The following DCC variants were observed in gnomAD, a reference collection of about 807,000 sequenced individuals.
DCC encodes the protein netrin receptor DCC.
Under a neutral mutation model 172.5 loss-of-function variants are expected in DCC, and 58 were observed. The observed-to-expected ratio is 0.34, with a 90% CI of 0.27 to 0.42. DCC has a LOEUF of 0.42. Ranked by LOEUF, DCC falls within the 10% of genes least tolerant of loss-of-function variation. The pLI, the probability that DCC is intolerant of heterozygous loss-of-function variation, is 1.00. For missense variants in DCC, 1,740 were observed against 1,791.0 expected (o/e 0.97, Z 0.51); for synonymous variants, 709 against 644.5 (o/e 1.10, Z -1.52).
intron 1 of DCC, among the ~76,000 whole-genome samples, chr18:52,590,275 G>A (rs1598937245): frequency 1.3e-5 from 2 of 152,036 alleles, no homozygotes; most frequent in South Asian, 4.2e-4. Context: ...GAGATCTAAG[G>A]ACATCCAATG....
chr18:52,559,106 T>A (rs1394378906), intron 1 of DCC, among the ~76,000 whole-genome samples: 2 of 129,400 alleles, frequency 1.5e-5, no homozygotes, highest in Non-Finnish European at 3.6e-5. Context: ...GGTTTTTTTG[T>A]TTTGTTTTGT....
intron 18 of DCC, among the ~76,000 whole-genome samples, chr18:53,401,646 A>C (rs936807275): frequency 1.8e-5 from 2 of 110,356 alleles, no homozygotes; most frequent in African/African-American, 5.6e-5. Flanking sequence ...CCTACACAGA[A>C]TTTTTATGTG....
chr18:53,062,397 G>A (rs554773744), intron 5 of DCC, among the ~76,000 whole-genome samples: 4 of 152,052 alleles, frequency 2.6e-5, no homozygotes, highest in Non-Finnish European at 5.9e-5. Context: ...TTTGGTAATG[G>A]CTACTAAAAA....
At chr18:52,898,965 C>T (rs868498998) in intron 2 of DCC, among the ~76,000 whole-genome samples, 5 of 152,098 alleles carry the variant, frequency 3.3e-5, no homozygotes, top group South Asian at 2.1e-4. Context: ...CCATTCAAAA[C>T]GTCTACTGAT....
intron 2 of DCC, among the ~76,000 whole-genome samples, chr18:52,774,967 AAGAG>A (rs1299943664): frequency 5.9e-5 from 9 of 152,192 alleles, no homozygotes; most frequent in African/African-American, 1.7e-4. Context: ...TGTGAGAGAA[AAGAG>A]AGAAAGTCTG....
At chr18:52,904,171 A>G (rs1436978562) in intron 2 of DCC, among the ~76,000 whole-genome samples, 1 of 152,208 alleles carries the variant, frequency 6.6e-6, no homozygotes, top group Non-Finnish European at 1.5e-5. Context: ...GGATAAATTA[A>G]TATTTGCATC....
chr18:53,521,404 A>G (rs1008929255), intron 27 of DCC, among the ~76,000 whole-genome samples: 1 of 152,082 alleles, frequency 6.6e-6, no homozygotes, highest in Non-Finnish European at 1.5e-5. Flanking sequence ...AATACACCTA[A>G]GTGTTTGGAA....
At chr18:52,588,683 G>T (rs1453415702) in intron 1 of DCC, among the ~76,000 whole-genome samples, 2 of 152,080 alleles carry the variant, frequency 1.3e-5, no homozygotes, top group Non-Finnish European at 1.5e-5. Flanking sequence ...TTTTGGGGGA[G>T]AAAAGATGCC....
intron 21 of DCC, among the ~76,000 whole-genome samples, chr18:53,433,369 A>G (rs1001413283): frequency 1.3e-5 from 2 of 152,216 alleles, no homozygotes; most frequent in African/African-American, 4.8e-5. Context: ...ACTTCATTAA[A>G]AAGACATTTG....
chr18:52,913,235 A>G (rs1679819437), intron 3 of DCC, among the ~76,000 whole-genome samples: 1 of 152,112 alleles, frequency 6.6e-6, no homozygotes, highest in African/African-American at 2.4e-5. Flanking sequence ...CCAGTCTTTC[A>G]CATGGAGCTG....
chr18:52,499,395 C>G (rs1345215867), intron 1 of DCC, among the ~76,000 whole-genome samples: 2 of 152,104 alleles, frequency 1.3e-5, no homozygotes, highest in Non-Finnish European at 2.9e-5. Flanking sequence ...ATGAAAATTA[C>G]CTATTAGCGG....
At chr18:53,480,725 A>G (rs1306207285) in intron 25 of DCC, 1 of 152,278 alleles carries the variant, frequency 6.6e-6, no homozygotes, top group Non-Finnish European at 1.5e-5. Context: ...ACATCATAAA[A>G]TCGGTACTCC....
At chr18:53,280,692 G>A (rs1437979912) in intron 12 of DCC, among the ~76,000 whole-genome samples, 1 of 151,976 alleles carries the variant, frequency 6.6e-6, no homozygotes, top group African/African-American at 2.4e-5. Flanking sequence ...ACTGGAAAAT[G>A]GAGCAGCCTG....
chr18:53,164,692 C>G (rs2054890344), intron 8 of DCC, among the ~76,000 whole-genome samples: 2 of 152,162 alleles, frequency 1.3e-5, no homozygotes, highest in Admixed American at 1.3e-4. Flanking sequence ...AACACTTGCT[C>G]TTTGGTGCAC....
chr18:53,288,601 G>A (rs553627536), intron 12 of DCC, among the ~76,000 whole-genome samples: 1 of 152,162 alleles, frequency 6.6e-6, no homozygotes, highest in South Asian at 2.1e-4. Flanking sequence ...CAGCCCTAAT[G>A]CAATCAGTAA....
chr18:53,233,501 C>G (rs577992548), intron 12 of DCC, among the ~76,000 whole-genome samples: 2 of 152,172 alleles, frequency 1.3e-5, no homozygotes, highest in South Asian at 4.1e-4. Context: ...TTCCAGGTTT[C>G]CTTTTCATCT....
intron 7 of DCC, among the ~76,000 whole-genome samples, chr18:53,156,502 A>AT (rs1369255793): frequency 5.3e-5 from 8 of 151,434 alleles, no homozygotes; most frequent in Non-Finnish European, 8.8e-5. Flanking sequence ...AAAAAAAAAA[A>AT]GAATCAACTT....
At chr18:52,589,446 G>A (rs112247335) in intron 1 of DCC, among the ~76,000 whole-genome samples, 1 of 152,102 alleles carries the variant, frequency 6.6e-6, no homozygotes, top group Admixed American at 6.5e-5. Context: ...TTCCCTGAAG[G>A]CTTTGGATAT....
chr18:52,911,730 ATT>A (rs75361413), intron 3 of DCC, among the ~76,000 whole-genome samples: 21 of 149,594 alleles, frequency 1.4e-4, no homozygotes, highest in African/African-American at 3.9e-4. Flanking sequence ...CATATTTAAC[ATT>A]TTTTTTTTTG....
Sources: gnomAD v4.1 joint callset for allele counts (sites outside exome capture counted in the v4.1 genomes callset) on GRCh38, gnomAD v4.1.1 for gene constraint, MANE v1.5 for transcripts, NCBI Gene and HGNC (gene_info 2026-07-23, HGNC 2026-07-21) for gene names.